Variants in MTIF2 observed in about 807,000 individuals in gnomAD.
MTIF2 encodes mitochondrial translational initiation factor 2, also known as translation initiation factor IF-2, mitochondrial.
MTIF2 carries 71 observed loss-of-function variants against 83.5 expected under a neutral mutation model. The ratio of observed to expected loss-of-function variants is 0.85; its 90% CI spans 0.70 to 1.04. The LOEUF (loss-of-function observed/expected upper bound fraction) is 1.04. MTIF2 is among the 50% of genes least tolerant of loss of function. The pLI is 0.00. For missense variants in MTIF2, 957 were observed against 846.5 expected (o/e 1.13, Z -1.62); for synonymous variants, 319 against 287.1 (o/e 1.11, Z -1.12).
chr2:55,264,928 C>A (rs553912680), intron 3 of MTIF2, among the ~76,000 whole-genome samples: 1 of 151,930 alleles, frequency 6.6e-6, no homozygotes, highest in Admixed American at 6.6e-5. Context: ...AGGACAGGAA[C>A]GACAAAAACA....
At chr2:55,257,363 C>T (rs192410696) in intron 5 of MTIF2, among the ~76,000 whole-genome samples, 2 of 152,060 alleles carry the variant, frequency 1.3e-5, no homozygotes, top group Non-Finnish European at 2.9e-5. Flanking sequence ...CACCTGTAAT[C>T]CCAGCTGCTC....
At chr2:55,249,669 T>A in intron 8 of MTIF2, 135 bp from the exon 9 acceptor site, 1 of 970,306 alleles carries the variant, frequency 1.0e-6, no homozygotes, top group Non-Finnish European at 1.5e-6. Flanking sequence ...AAGGCCAAAA[T>A]GACCCACTTT....
chr2:55,265,569 T>TA (rs1678370398), intron 3 of MTIF2, among the ~76,000 whole-genome samples: 1 of 152,092 alleles, frequency 6.6e-6, no homozygotes, highest in Non-Finnish European at 1.5e-5. Flanking sequence ...CATTTCCAAG[T>TA]AGTGGGTATA....
rs143917549 is a variant in MTIF2, at chr2:55,258,002, G to A, written c.332-3177C>T. ...AGACAAGGCTTCATCATGTTGCCCA[G>A]GCTGATCTCAAACTCTTGGGCTCAA... On this transcript the variant is annotated intron_variant, in intron 5 of 15. Transcript: ENST00000263629. Among the ~76,000 whole-genome samples the A allele has an allele frequency of 2.5e-3, 375 of 152,246 alleles. 2 individuals are homozygous for A. The highest frequency in any genetic ancestry group is 8.0e-3 in the African/African-American group (331 of 41,544).
intron 14 of MTIF2, 61 bp downstream of exon 14, chr2:55,239,950 A>C: frequency 2.8e-6 from 4 of 1,435,454 alleles, no homozygotes; most frequent in Non-Finnish European, 3.8e-6. Flanking sequence ...CTTTGCTTTG[A>C]AGTGCTATTT....
intron 4 of MTIF2, 110 bp from the exon 5 acceptor site, chr2:55,262,537 T>G: frequency 2.1e-6 from 1 of 481,300 alleles, no homozygotes; most frequent in Non-Finnish European, 3.5e-6. Context: ...CTTTCTTTTT[T>G]TTTCTTTTTT....
chr2:55,247,450 G>T (rs927693122), intron 9 of MTIF2, among the ~76,000 whole-genome samples: 3 of 152,142 alleles, frequency 2.0e-5, no homozygotes, highest in Admixed American at 2.0e-4. Flanking sequence ...CTACTCAGGA[G>T]GCTGAGACAG....
At chr2:55,262,726 T>TG (rs1474905663) in intron 4 of MTIF2, among the ~76,000 whole-genome samples, 3 of 69,474 alleles carry the variant, frequency 4.3e-5, no homozygotes, top group African/African-American at 1.1e-4. Flanking sequence ...TATTTTTTTT[T>TG]TTTGTTTTTT....
At chr2:55,262,545 T>TC (rs1425447766) in intron 4 of MTIF2, 118 bp from the exon 5 acceptor site, 92 of 562,470 alleles carry the variant, frequency 1.6e-4, no homozygotes, top group South Asian at 6.7e-4. Context: ...TTTTTTCTTT[T>TC]TTTTTTTTTT....
At chr2:55,252,413 A>G (rs1677163406) in intron 8 of MTIF2, 64 bp downstream of exon 8, 1 of 1,378,662 alleles carries the variant, frequency 7.3e-7, no homozygotes, top group South Asian at 1.2e-5. Context: ...TAAATGAGCT[A>G]TATGTAAATG....
At chr2:55,257,236 T>C (rs867461180) in intron 5 of MTIF2, among the ~76,000 whole-genome samples, 5 of 152,084 alleles carry the variant, frequency 3.3e-5, no homozygotes, top group Non-Finnish European at 5.9e-5. Context: ...TCCCAGCACT[T>C]TGGGAGGCCG....
intron 8 of MTIF2, among the ~76,000 whole-genome samples, chr2:55,250,447 C>A (rs1316664081): frequency 6.6e-6 from 1 of 151,782 alleles, no homozygotes; most frequent in Non-Finnish European, 1.5e-5. Flanking sequence ...TGGGAAGATT[C>A]CAATTCAATA....
At position 55,252,644 on chromosome 2, in the gene MTIF2, G is replaced by A. The variant is rs1417778077; in HGVS notation, c.674C>T (p.Pro225Leu). ...QHIGAFLVSL[P>L]SGEKITFLDT... The stretch of plus-strand genomic sequence containing the variant: ...AAGAAAAGTTATCTTTTCCCCAGAA[G>A]GCAGAGAGACTGTGGAAACAGAAAT... Residue 225 changes from proline (P) to leucine (L), a missense_variant, in exon 8 of 16, where the codon CCT becomes CTT. By Grantham distance (98) the Pro-to-Leu change is moderately conservative. This residue lies in a region of MTIF2 where 733 missense variants were observed against 648.7 expected (regional missense o/e 1.13). Transcript: ENST00000263629. 1 of 1,611,862 alleles carries A rather than the reference G, an allele frequency of 6.2e-7. No individual in the cohort carries two copies. The highest frequency in any genetic ancestry group is 8.5e-7 in the Non-Finnish European group (1 of 1,178,682).
In MTIF2 at chr2:55,238,792, T is replaced by C. The variant is rs537718130; in HGVS notation, c.1870+1219A>G. ...TAGGGTGCTATTTTACTACTGTTAT[T>C]TGTTAGTGTTATCTGACTGGTGTCT... On this transcript the variant is annotated intron_variant, in intron 14 of 15. Transcript: ENST00000263629. 3.3e-5 allele frequency among the ~76,000 whole-genome samples: 5 copies of C among 152,326 alleles called. No individual in the cohort carries two copies. In the East Asian group the frequency reaches 9.6e-4, roughly 29 times the overall value.
intron 8 of MTIF2, among the ~76,000 whole-genome samples, chr2:55,250,935 C>T (rs929334081): frequency 1.3e-5 from 2 of 151,690 alleles, no homozygotes; most frequent in Non-Finnish European, 2.9e-5. Flanking sequence ...CATGGTAAAA[C>T]CCCATCTCTA....
At chr2:55,259,440 T>C (rs974611019) in intron 5 of MTIF2, among the ~76,000 whole-genome samples, 2 of 151,976 alleles carry the variant, frequency 1.3e-5, no homozygotes, top group Admixed American at 6.6e-5. Flanking sequence ...ATTCTATTTA[T>C]TAGTCATAAT....
chr2:55,262,205 T>C, intron 5 of MTIF2, 111 bp downstream of exon 5: 2 of 762,198 alleles, frequency 2.6e-6, no homozygotes, highest in Non-Finnish European at 4.6e-6. Context: ...TTAATATATT[T>C]TTTAAGTGCC....
chr2:55,248,581 C>T (rs1676867227), intron 9 of MTIF2, among the ~76,000 whole-genome samples: 1 of 152,056 alleles, frequency 6.6e-6, no homozygotes, highest in African/African-American at 2.4e-5. Flanking sequence ...CACTGAGTTT[C>T]CTTGGTGTTT....
chr2:55,243,563 C>A lies in MTIF2; in HGVS notation c.1417G>T (p.Ala473Ser), dbSNP rs932481385. ...TACTTCTCACGGGCTTTCTGATGTG[C>A]TTCTTTGTGTTCCTTTCGCTTTTCT... ...IEEKRKEHKE[A>S]HQKAREKYGH... The change falls in exon 12 of 16, where the codon GCA becomes TCA. Residue 473 changes from alanine to serine, a missense_variant. By Grantham distance (99) the Ala-to-Ser change is moderately conservative (BLOSUM62 1). Coordinates refer to ENST00000263629, the MANE Select transcript of MTIF2 (RefSeq NM_002453.3). 3.1e-6 allele frequency: 5 copies of A among 1,613,938 alleles called. No individual in the cohort carries two copies. Among genetic ancestry groups the A allele is most frequent in the Non-Finnish European group, 4.2e-6 (5 of 1,180,004 alleles).
Sources: allele counts gnomAD v4.1 joint callset (sites outside exome capture counted in the v4.1 genomes callset), GRCh38; gene constraint gnomAD v4.1.1; regional missense constraint gnomAD v4.1.1; transcripts MANE v1.5; gene names NCBI Gene and HGNC (gene_info 2026-07-23, HGNC 2026-07-21).